WSCD1: variants seen among roughly 807,000 people sequenced by gnomAD.
WSCD1 encodes WSC domain sialate O sulfotransferase 1, also known as sialate:O-sulfotransferase 1.
In WSCD1, 41 loss-of-function variants were observed where a neutral mutation model predicts 60.4. The observed-to-expected ratio is 0.68, with a 90% CI of 0.53 to 0.88. The LOEUF is 0.88. Ranked by LOEUF, WSCD1 falls within the 40% of genes least tolerant of loss-of-function variation. WSCD1 has a pLI of 0.00. For missense variants in WSCD1, 784 were observed against 796.2 expected (o/e 0.98, Z 0.18); for synonymous variants, 361 against 332.5 (o/e 1.09, Z -0.93).
Position 6,084,042 on chromosome 17 carries a change from G to A in WSCD1, c.427+2957G>A, listed in dbSNP as rs186679600. The stretch of plus-strand genomic sequence containing the variant: ...GTTAAAATAATTATAATACTTCCAG[G>A]TTGGCTGGTAAATGGTTGCTGCCCT... On this transcript the variant is annotated intron_variant, in intron 2 of 8. Transcript: ENST00000317744. Among the ~76,000 whole-genome samples, 608 of 152,254 alleles carry A rather than the reference G, an allele frequency of 4.0e-3. 2 individuals are homozygous for A. Among genetic ancestry groups the A allele is most frequent in the African/African-American group, 0.013 (522 of 41,540 alleles).
chr17:6,107,522 A>C (rs1402490627), intron 5 of WSCD1, among the ~76,000 whole-genome samples: 1 of 152,024 alleles, frequency 6.6e-6, no homozygotes, highest in African/African-American at 2.4e-5. Context: ...GAAAAAAAAA[A>C]GATCCTACAT....
chr17:6,097,282 A>G (rs1316172003), intron 5 of WSCD1, among the ~76,000 whole-genome samples: 2 of 152,280 alleles, frequency 1.3e-5, no homozygotes, highest in Admixed American at 6.5e-5. Context: ...GTTTCGGACT[A>G]GTTTTAAATA....
chr17:6,090,652 C>A, intron 4 of WSCD1, 147 bp downstream of exon 4: 1 of 1,166,098 alleles, frequency 8.6e-7, no homozygotes, highest in Non-Finnish European at 1.2e-6. Flanking sequence ...ACTGGACAGG[C>A]TCCTGGCAGG....
At position 6,122,049 on chromosome 17, in the gene WSCD1, CCCA is replaced by C. The variant is rs1567564870; in HGVS notation, c.*1389_*1391del. ...AGGCCTAGGATAACCCTGGCCAGGC[CCCA>C]TGGTCCTGCTCTGGGTCAGCTGTCA... On this transcript the variant is annotated 3_prime_UTR_variant, in exon 9 of 9. Coordinates refer to ENST00000317744, the MANE Select transcript of WSCD1 (RefSeq NM_015253.2). 6.6e-6 allele frequency: 1 copy of C among 152,288 alleles called. No individual in the cohort carries two copies. The highest frequency in any genetic ancestry group is 1.5e-5 in the Non-Finnish European group (1 of 68,094). 9.4% of individuals were successfully genotyped at this position (152,288 alleles called of 1,614,324 possible).
intron 7 of WSCD1, among the ~76,000 whole-genome samples, chr17:6,114,359 G>A (rs146527471): frequency 6.9e-4 from 105 of 152,022 alleles, no homozygotes; most frequent in African/African-American, 2.4e-3. Flanking sequence ...TAGGAGGGAG[G>A]GCAGGATAGG....
chr17:6,113,290 A>G lies in WSCD1; in HGVS notation c.1174+2355A>G, dbSNP rs151060981. 9.3e-3 allele frequency among the ~76,000 whole-genome samples: 1,417 copies of G among 152,302 alleles called. 22 individuals are homozygous for G. Among genetic ancestry groups the G allele is most frequent in the African/African-American group, 0.032 (1,315 of 41,570 alleles). The stretch of plus-strand genomic sequence containing the variant: ...CAAATGGTGTTGGGAAGACTGGATA[A>G]CCATATGCAGAAGACTGAAGATATA... On this transcript the variant is annotated intron_variant, in intron 7 of 8. Coordinates refer to ENST00000317744, the MANE Select transcript of WSCD1 (RefSeq NM_015253.2).
chr17:6,096,245 A>T (rs1404382928), intron 5 of WSCD1, among the ~76,000 whole-genome samples: 1 of 152,166 alleles, frequency 6.6e-6, no homozygotes, highest in South Asian at 2.1e-4. Context: ...ACAGCCAGTA[A>T]GTGGTGGGGT....
chr17:6,100,237 G>A (rs530031286), intron 5 of WSCD1, among the ~76,000 whole-genome samples: 11 of 152,270 alleles, frequency 7.2e-5, no homozygotes, highest in Non-Finnish European at 1.3e-4. Context: ...GTGGGTGAGC[G>A]GGGCAGCTGA....
chr17:6,098,173 A>C (rs1194377058), intron 5 of WSCD1, among the ~76,000 whole-genome samples: 1 of 151,194 alleles, frequency 6.6e-6, no homozygotes, highest in African/African-American at 2.4e-5. Context: ...GGTCTCACCA[A>C]GTTGCCCAGA....
chr17:6,096,420 G>A (rs1047691582), intron 5 of WSCD1, among the ~76,000 whole-genome samples: 66 of 152,112 alleles, frequency 4.3e-4, no homozygotes, highest in African/African-American at 1.5e-3. Context: ...TCCGCACTCT[G>A]GGGACACCTC....
intron 1 of WSCD1, among the ~76,000 whole-genome samples, chr17:6,079,365 C>T (rs949601176): frequency 2.0e-5 from 3 of 152,176 alleles, no homozygotes; most frequent in East Asian, 3.9e-4. Context: ...GCTTTGCTCA[C>T]GCAACAGCCC....
chr17:6,087,962 G>C (rs778588504), intron 2 of WSCD1, 28 bp from the exon 3 acceptor site: 3 of 1,568,418 alleles, frequency 1.9e-6, no homozygotes, highest in Non-Finnish European at 2.6e-6. Context: ...CTGGGCCTCT[G>C]GTATTAGCCA....
chr17:6,110,219 C>T lies in WSCD1; in HGVS notation c.1009+453C>T, dbSNP rs1340624751. On this transcript the variant is annotated intron_variant, in intron 6 of 8. Transcript: ENST00000317744. This position sits in a 1 kb window ranked among gnomAD's most constrained non-coding sequence, Gnocchi z 4.8. Reference sequence around the variant, plus strand: ...AACTGATGAAAGGAAGAGCCGGGGACGAGGGATGTTACCACCTTTATCAAG... The same window carrying T: ...AACTGATGAAAGGAAGAGCCGGGGATGAGGGATGTTACCACCTTTATCAAG... 2.6e-5 allele frequency among the ~76,000 whole-genome samples: 4 copies of T among 152,120 alleles called. No homozygotes were observed. Among genetic ancestry groups the T allele is most frequent in the Non-Finnish European group, 1.5e-5 (1 of 68,010 alleles).
chr17:6,096,374 C>A (rs527372202), intron 5 of WSCD1, among the ~76,000 whole-genome samples: 61 of 152,078 alleles, frequency 4.0e-4, no homozygotes, highest in African/African-American at 1.5e-3. Context: ...CTCTGCTGCA[C>A]CCCCCCACTC....
intron 3 of WSCD1, among the ~76,000 whole-genome samples, chr17:6,088,325 C>T (rs1331470649): frequency 6.6e-6 from 1 of 151,464 alleles, no homozygotes; most frequent in Non-Finnish European, 1.5e-5. Flanking sequence ...GCTGGGTGAC[C>T]GCCTGGGTGC....
At chr17:6,119,344 G>A (rs1263923025) in intron 8 of WSCD1, among the ~76,000 whole-genome samples, 15 of 152,268 alleles carry the variant, frequency 9.9e-5, no homozygotes, top group Admixed American at 9.2e-4. Flanking sequence ...GGTACCAGGA[G>A]CGCAGGCTGA....
At chr17:6,119,221 A>G (rs1904491461) in intron 8 of WSCD1, among the ~76,000 whole-genome samples, 1 of 152,202 alleles carries the variant, frequency 6.6e-6, no homozygotes, top group South Asian at 2.1e-4. Context: ...CCCAACATCC[A>G]GAGTGTCTGA....
rs764618288 is a variant in WSCD1 at position 6,081,069 on chromosome 17, C to T, written c.411C>T (p.Pro137=). 40 of 1,538,720 alleles carry T rather than the reference C, an allele frequency of 2.6e-5. No homozygotes were observed. Among genetic ancestry groups the T allele is most frequent in the Non-Finnish European group, 2.8e-5 (32 of 1,144,476 alleles). The change falls in exon 2 of 9, where the codon CCC becomes CCT. Residue 137 remains proline (P), a synonymous_variant. Coordinates refer to ENST00000317744, the MANE Select transcript of WSCD1 (RefSeq NM_015253.2). ...PPALGPEAAR[P]AIHSRGTYIG... ...CCCTGGGCCCCGAGGCTGCCAGGCC[C>T]GCCATCCACAGCCGAGGTAGGCGCT...
chr17:6,090,719 C>T (rs1909980150), intron 4 of WSCD1, among the ~76,000 whole-genome samples: 1 of 152,124 alleles, frequency 6.6e-6, no homozygotes, highest in Non-Finnish European at 1.5e-5. Context: ...ATGACTGAAG[C>T]ATACCTTTGC....
Sources: gnomAD v4.1 joint callset for allele counts (sites outside exome capture counted in the v4.1 genomes callset) on GRCh38, gnomAD v4.1.1 for gene constraint, Gnocchi (gnomAD v3.1) non-coding constraint, MANE v1.5 for transcripts, NCBI Gene and HGNC (gene_info 2026-07-23, HGNC 2026-07-21) for gene names.